Variants in IMMP2L observed in about 807,000 individuals in gnomAD.
IMMP2L encodes inner mitochondrial membrane peptidase subunit 2.
A neutral mutation model predicts 19.3 loss-of-function variants in IMMP2L; 18 were observed. That is an observed-to-expected ratio of 0.93 (90% CI 0.64 to 1.38). The LOEUF (loss-of-function observed/expected upper bound fraction) is 1.38, where lower values mean the gene tolerates loss of function less well. Ranked by LOEUF, IMMP2L falls within the 40% of genes most tolerant of loss-of-function variation. The pLI is 0.00. For missense variants in IMMP2L, 233 were observed against 218.2 expected (o/e 1.07, Z -0.43); for synonymous variants, 76 against 73.0 (o/e 1.04, Z -0.21).
chr7:110,854,407 CT>C (rs899536100), intron 5 of IMMP2L, among the ~76,000 whole-genome samples: 2 of 151,874 alleles, frequency 1.3e-5, no homozygotes, highest in Non-Finnish European at 2.9e-5. Context: ...AACATGTATT[CT>C]TTTTTTATTA....
chr7:111,031,933 GAT>G (rs1491126357), intron 3 of IMMP2L, among the ~76,000 whole-genome samples: 1 of 87,134 alleles, frequency 1.1e-5, no homozygotes, highest in Non-Finnish European at 2.1e-5. Context: ...AAACACCAGA[GAT>G]TTTTTTTTTT....
chr7:111,284,431 G>C (rs1820265871), intron 3 of IMMP2L, among the ~76,000 whole-genome samples: 1 of 152,126 alleles, frequency 6.6e-6, no homozygotes, highest in Non-Finnish European at 1.5e-5. Flanking sequence ...TTTGGAGAGA[G>C]GGAGTAGGAC....
Position 110,803,939 on chromosome 7 carries a change from G to C in IMMP2L, c.408+82654C>G, listed in dbSNP as rs989815100. Among the ~76,000 whole-genome samples, 1 of 151,998 alleles carries C rather than the reference G, an allele frequency of 6.6e-6. No individual in the cohort carries two copies. Among genetic ancestry groups the C allele is most frequent in the Non-Finnish European group, 1.5e-5 (1 of 67,976 alleles). Reference sequence around the variant, plus strand: ...AGGAATCTGTTTACCTAGTCTTCTTGGTGATTATGATATAAGCTGAAGTTT... The same window carrying C: ...AGGAATCTGTTTACCTAGTCTTCTTCGTGATTATGATATAAGCTGAAGTTT... On this transcript the variant is annotated intron_variant, in intron 5 of 5. Coordinates refer to ENST00000405709, the MANE Select transcript of IMMP2L (RefSeq NM_032549.4). The surrounding 1 kb of genome is among the most constrained non-coding windows in gnomAD (Gnocchi z 4.2).
intron 4 of IMMP2L, among the ~76,000 whole-genome samples, chr7:110,917,337 T>G (rs1489215378): frequency 4.6e-5 from 7 of 152,182 alleles, no homozygotes; most frequent in Non-Finnish European, 7.4e-5. Context: ...TACGACAGCC[T>G]CAGAAAACCA....
intron 5 of IMMP2L, among the ~76,000 whole-genome samples, chr7:110,714,530 A>G (rs1350524905): frequency 6.6e-6 from 1 of 152,138 alleles, no homozygotes; most frequent in African/African-American, 2.4e-5. Flanking sequence ...AATTGGTACC[A>G]GGTCTTACTT....
rs1586894079 is a variant in IMMP2L at position 111,220,743 on chromosome 7, G to A, written c.240-257178C>T. ...AAGTCCCATAATTTTCCAACTGAAA[G>A]CTGGAGCCTCAGGAAAGACAGTGAT... On this transcript the variant is annotated intron_variant, in intron 3 of 5. Coordinates refer to ENST00000405709, the MANE Select transcript of IMMP2L (RefSeq NM_032549.4). Among the ~76,000 whole-genome samples, 3 of 151,980 alleles carry A rather than the reference G, an allele frequency of 2.0e-5. No individual in the cohort carries two copies. In the South Asian group the frequency reaches 6.2e-4, roughly 32 times the overall value.
chr7:110,751,885 C>T (rs1169875750), intron 5 of IMMP2L, among the ~76,000 whole-genome samples: 1 of 151,906 alleles, frequency 6.6e-6, no homozygotes, highest in Non-Finnish European at 1.5e-5. Context: ...TAATCACATG[C>T]ATCCCAAAAC....
intron 3 of IMMP2L, among the ~76,000 whole-genome samples, chr7:111,323,008 C>T (rs1180614207): frequency 6.6e-6 from 1 of 151,588 alleles, no homozygotes; most frequent in Non-Finnish European, 1.5e-5. Flanking sequence ...CATTTGCAAA[C>T]TCTTCACTGT....
At chr7:110,723,857 G>GAA (rs75787493) in intron 5 of IMMP2L, among the ~76,000 whole-genome samples, 5 of 97,720 alleles carry the variant, frequency 5.1e-5, no homozygotes, top group Non-Finnish European at 8.8e-5. Flanking sequence ...GAGGGAAAGG[G>GAA]AAAAAAAAAA....
At chr7:110,882,895 G>A (rs1809838086) in intron 5 of IMMP2L, among the ~76,000 whole-genome samples, 1 of 151,662 alleles carries the variant, frequency 6.6e-6, no homozygotes, top group Admixed American at 6.6e-5. Flanking sequence ...ATCTCTGCCT[G>A]GTTACATGTA....
At chr7:111,298,867 T>C (rs1821907909) in intron 3 of IMMP2L, among the ~76,000 whole-genome samples, 1 of 151,870 alleles carries the variant, frequency 6.6e-6, no homozygotes, top group Non-Finnish European at 1.5e-5. Flanking sequence ...ACATACATAT[T>C]CAATGCAAGA....
At chr7:110,889,992 T>C (rs1810631214) in intron 4 of IMMP2L, among the ~76,000 whole-genome samples, 1 of 152,216 alleles carries the variant, frequency 6.6e-6, no homozygotes, top group African/African-American at 2.4e-5. Flanking sequence ...ATGGTAGTTA[T>C]TATTGCTATT....
chr7:111,161,928 A>G (rs559457602), intron 3 of IMMP2L, among the ~76,000 whole-genome samples: 10 of 152,206 alleles, frequency 6.6e-5, no homozygotes, highest in Admixed American at 3.9e-4. Context: ...CAACATTTAA[A>G]AAAAATTATA....
intron 5 of IMMP2L, among the ~76,000 whole-genome samples, chr7:110,885,994 T>C (rs1294486818): frequency 6.6e-6 from 1 of 152,068 alleles, no homozygotes; most frequent in Non-Finnish European, 1.5e-5. Flanking sequence ...AACATAAAAG[T>C]ATGTACGTTT....
At chr7:111,008,463 T>G (rs1451560182) in intron 3 of IMMP2L, among the ~76,000 whole-genome samples, 1 of 152,042 alleles carries the variant, frequency 6.6e-6, no homozygotes, top group Non-Finnish European at 1.5e-5. Context: ...AATGTTGTAT[T>G]AGAAAAATCT....
At chr7:110,769,749 GAAAGA>G in intron 5 of IMMP2L, among the ~76,000 whole-genome samples, 1 of 152,218 alleles carries the variant, frequency 6.6e-6, no homozygotes, top group South Asian at 2.1e-4. Context: ...AAAATAAAAA[GAAAGA>G]AAAGAGAGCT....
intron 5 of IMMP2L, among the ~76,000 whole-genome samples, chr7:110,807,047 A>G (rs1293572871): frequency 6.6e-6 from 1 of 151,998 alleles, no homozygotes; most frequent in Non-Finnish European, 1.5e-5. Context: ...CTAAGTAGTC[A>G]GTCCCCATCT....
intron 2 of IMMP2L, among the ~76,000 whole-genome samples, chr7:111,500,803 C>A (rs1310560951): frequency 6.6e-6 from 1 of 152,074 alleles, no homozygotes; most frequent in East Asian, 1.9e-4. Flanking sequence ...AAAGGACATC[C>A]ACACCAAAAA....
Position 111,214,331 on chromosome 7 carries a change from C to CTTTTT in IMMP2L, c.240-250771_240-250767dup, listed in dbSNP as rs1169450523. Among the ~76,000 whole-genome samples, 24 of 82,184 alleles carry CTTTTT rather than the reference C, an allele frequency of 2.9e-4. 1 individual carries two copies. The highest frequency in any genetic ancestry group is 9.0e-4 in the African/African-American group (17 of 18,838). 53.9% of individuals were successfully genotyped at this position (82,184 alleles called of 152,430 possible). On this transcript the variant is annotated intron_variant, in intron 3 of 5. Coordinates refer to ENST00000405709, the MANE Select transcript of IMMP2L (RefSeq NM_032549.4). ...AATGAATGACAAAGTAATTTTTCTT[C>CTTTTT]TTTTTTTTTTTTTTTTTTTTTTTTT...
Sources: gnomAD v4.1 joint callset for allele counts (sites outside exome capture counted in the v4.1 genomes callset) on GRCh38, gnomAD v4.1.1 for gene constraint, Gnocchi (gnomAD v3.1) non-coding constraint, MANE v1.5 for transcripts, NCBI Gene and HGNC (gene_info 2026-07-23, HGNC 2026-07-21) for gene names.